CDKAL1: variants seen among roughly 807,000 people sequenced by gnomAD.
CDKAL1 encodes threonylcarbamoyladenosine tRNA methylthiotransferase.
In CDKAL1, 32 loss-of-function variants were observed where a neutral mutation model predicts 68.2. That is an observed-to-expected ratio of 0.47 (90% confidence interval 0.35 to 0.63). CDKAL1 has a LOEUF of 0.63. CDKAL1 is among the 30% of genes least tolerant of loss of function. The pLI is 0.00. For synonymous variants in CDKAL1, 234 were observed against 244.3 expected (o/e 0.96, Z 0.39); for missense variants, 606 against 696.7 (o/e 0.87, Z 1.47).
chr6:20,796,048 T>C (rs1776097115), intron 8 of CDKAL1, among the ~76,000 whole-genome samples: 1 of 152,188 alleles, frequency 6.6e-6, no homozygotes, highest in African/African-American at 2.4e-5. Flanking sequence ...AGGGCCCAGA[T>C]TTATGAAAAT....
At chr6:21,063,974 A>G (rs1771281283) in intron 11 of CDKAL1, among the ~76,000 whole-genome samples, 2 of 152,238 alleles carry the variant, frequency 1.3e-5, no homozygotes, top group South Asian at 4.1e-4. Context: ...TATCACATTG[A>G]GCATAAAGTT....
intron 11 of CDKAL1, among the ~76,000 whole-genome samples, chr6:21,002,368 G>C (rs1212872339): frequency 6.6e-6 from 1 of 152,082 alleles, no homozygotes; most frequent in Non-Finnish European, 1.5e-5. Context: ...GAAGATATTG[G>C]AGATGCCTGG....
intron 13 of CDKAL1, among the ~76,000 whole-genome samples, chr6:21,176,550 G>C (rs572724972): frequency 6.6e-6 from 1 of 152,160 alleles, no homozygotes; most frequent in South Asian, 2.1e-4. Flanking sequence ...ATTTATTTGC[G>C]TAGCAAGCCG....
chr6:21,184,182 T>G, intron 13 of CDKAL1, among the ~76,000 whole-genome samples: 1 of 146,878 alleles, frequency 6.8e-6, no homozygotes, highest in Non-Finnish European at 1.5e-5. Flanking sequence ...TACCCCGAAA[T>G]ACATTTCTTT....
At chr6:21,066,630 G>A (rs968882230) in intron 12 of CDKAL1, among the ~76,000 whole-genome samples, 1 of 151,950 alleles carries the variant, frequency 6.6e-6, no homozygotes, top group African/African-American at 2.4e-5. Flanking sequence ...GTTTTGTTTT[G>A]TTTTGCTTTC....
rs115548815 is a variant in CDKAL1 at position 20,986,253 on chromosome 6, A to G, written c.910-13974A>G. ...TGTCAAGAAATACTGTTAGCTTTAT[A>G]TGTTAGTCTTTGAAAATCATTTCAT... On this transcript the variant is annotated intron_variant, in intron 10 of 15. Coordinates refer to ENST00000274695, the MANE Select transcript of CDKAL1 (RefSeq NM_017774.3). 3.2e-3 allele frequency among the ~76,000 whole-genome samples: 492 copies of G among 152,300 alleles called. 6 individuals are homozygous for G. Among genetic ancestry groups the G allele is most frequent in the African/African-American group, 0.01 (420 of 41,570 alleles).
intron 4 of CDKAL1, among the ~76,000 whole-genome samples, chr6:20,576,400 G>T (rs764709494): frequency 6.6e-6 from 1 of 152,110 alleles, no homozygotes; most frequent in African/African-American, 2.4e-5. Context: ...GCAAGATGGC[G>T]TGACTCCTGG....
chr6:21,191,508 G>A (rs1278764657), intron 13 of CDKAL1, among the ~76,000 whole-genome samples: 1 of 152,174 alleles, frequency 6.6e-6, no homozygotes, highest in East Asian at 1.9e-4. Flanking sequence ...GTCATACACT[G>A]CAGAATTAGA....
At chr6:20,738,202 A>T (rs1220356086) in intron 5 of CDKAL1, among the ~76,000 whole-genome samples, 1 of 152,192 alleles carries the variant, frequency 6.6e-6, no homozygotes, top group Non-Finnish European at 1.5e-5. Flanking sequence ...AAAAGTGAAC[A>T]AAGCATCAAA....
At chr6:21,067,044 C>T (rs1255840194) in intron 12 of CDKAL1, among the ~76,000 whole-genome samples, 1 of 152,110 alleles carries the variant, frequency 6.6e-6, no homozygotes, top group East Asian at 1.9e-4. Flanking sequence ...AACTTTACTT[C>T]TTCTTTGCTA....
At chr6:21,121,770 A>G (rs1013171688) in intron 13 of CDKAL1, among the ~76,000 whole-genome samples, 2 of 152,338 alleles carry the variant, frequency 1.3e-5, no homozygotes, top group East Asian at 1.9e-4. Context: ...ATTTTGTTCA[A>G]TGTTGTTTTT....
chr6:21,146,685 C>A (rs1443953708), intron 13 of CDKAL1, among the ~76,000 whole-genome samples: 1 of 151,798 alleles, frequency 6.6e-6, no homozygotes, highest in Non-Finnish European at 1.5e-5. Flanking sequence ...CCCATCTCTA[C>A]TAAAAATACA....
chr6:20,891,856 A>G (rs183821965), intron 9 of CDKAL1, among the ~76,000 whole-genome samples: 2 of 152,252 alleles, frequency 1.3e-5, no homozygotes, highest in Admixed American at 6.5e-5. Flanking sequence ...TCTTACATGC[A>G]TAAGGGACTC....
chr6:20,933,721 T>G (rs1763574018), intron 9 of CDKAL1, among the ~76,000 whole-genome samples: 1 of 152,248 alleles, frequency 6.6e-6, no homozygotes, highest in Non-Finnish European at 1.5e-5. Flanking sequence ...ACCGTCCTTA[T>G]TTTCTTTAAT....
intron 10 of CDKAL1, among the ~76,000 whole-genome samples, chr6:20,989,230 T>C (rs1433799949): frequency 1.3e-5 from 2 of 152,172 alleles, no homozygotes. Flanking sequence ...AAGTGCTTCA[T>C]TGACAAACAA....
chr6:20,738,485 GTTT>G (rs71712438), intron 5 of CDKAL1, among the ~76,000 whole-genome samples: 52 of 119,626 alleles, frequency 4.3e-4, no homozygotes, highest in African/African-American at 1.3e-3. Context: ...CTACTTCTTA[GTTT>G]TTTTTTTTTT....
intron 9 of CDKAL1, among the ~76,000 whole-genome samples, chr6:20,883,159 T>C (rs1760907084): frequency 6.6e-6 from 1 of 152,198 alleles, no homozygotes; most frequent in Non-Finnish European, 1.5e-5. Context: ...CCTATAATTC[T>C]TCCAAGTGGA....
intron 8 of CDKAL1, among the ~76,000 whole-genome samples, chr6:20,792,727 C>T (rs1246583570): frequency 2.0e-5 from 3 of 152,172 alleles, no homozygotes; most frequent in African/African-American, 7.2e-5. Flanking sequence ...ATTCTCTACT[C>T]ATTCACTCAT....
chr6:21,158,428 C>T (rs1776748612), intron 13 of CDKAL1, among the ~76,000 whole-genome samples: 2 of 152,210 alleles, frequency 1.3e-5, no homozygotes, highest in African/African-American at 4.8e-5. Context: ...CTTTTAGCCT[C>T]TGCAGGGATC....
Sources: gnomAD v4.1 joint callset for allele counts (sites outside exome capture counted in the v4.1 genomes callset) on GRCh38, gnomAD v4.1.1 for gene constraint, MANE v1.5 for transcripts, NCBI Gene and HGNC (gene_info 2026-07-23, HGNC 2026-07-21) for gene names.